Variants in PPARGC1A observed in about 807,000 individuals in gnomAD.
PPARGC1A encodes the protein PPARG coactivator 1 alpha, also known as peroxisome proliferator-activated receptor gamma coactivator 1-alpha.
Under a neutral mutation model 88.7 loss-of-function variants are expected in PPARGC1A, and 25 were observed. That is an observed-to-expected ratio of 0.28 (90% confidence interval 0.21 to 0.39). The LOEUF (loss-of-function observed/expected upper bound fraction) is 0.39. Ranked by LOEUF, PPARGC1A falls within the 10% of genes least tolerant of loss-of-function variation. The probability of loss-of-function intolerance (pLI) is 1.00; values close to 1 mark genes in which losing one functional copy is unlikely to be tolerated. For missense variants in PPARGC1A, 880 were observed against 968.7 expected (o/e 0.91, Z 1.22); for synonymous variants, 363 against 355.6 (o/e 1.02, Z -0.24).
the PPARGC1A span, among the ~76,000 whole-genome samples, chr4:24,402,167 T>A: frequency 8.3e-4 from 127 of 152,266 alleles, 1 homozygote; most frequent in Non-Finnish European, 1.6e-3. Flanking sequence ...GACTCCATCC[T>A]ACCCCACTCC....
At chr4:24,425,871 A>G in the PPARGC1A span, among the ~76,000 whole-genome samples, 1 of 152,186 alleles carries the variant, frequency 6.6e-6, no homozygotes, top group South Asian at 2.1e-4. Flanking sequence ...AATTATTTGA[A>G]TCTCCACAGG....
At chr4:24,431,357 G>A in the PPARGC1A span, among the ~76,000 whole-genome samples, 2 of 152,112 alleles carry the variant, frequency 1.3e-5, no homozygotes, top group Non-Finnish European at 2.9e-5. Flanking sequence ...TTTGTACTTG[G>A]TAAATATGAG....
chr4:23,829,443 T>TA lies in PPARGC1A; in HGVS notation c.552+19dup, dbSNP rs754568302. ...ATCCTTTGGTACATCCCCCCTGTAT[T>TA]AAAAAATTTACATTTGTACCTTAAC... On this transcript the variant is annotated intron_variant, in intron 4 of 12. Transcript: ENST00000264867. 16 of 1,611,314 alleles carry TA rather than the reference T, an allele frequency of 9.9e-6. No homozygotes were observed. In the South Asian group the frequency reaches 1.8e-4, roughly 18 times the overall value.
the PPARGC1A span, among the ~76,000 whole-genome samples, chr4:24,067,071 T>C: frequency 6.6e-6 from 1 of 152,124 alleles, no homozygotes; most frequent in Non-Finnish European, 1.5e-5. Flanking sequence ...ATCTATACGT[T>C]CATTAGGCAG....
chr4:24,082,459 G>T, the PPARGC1A span, among the ~76,000 whole-genome samples: 2 of 152,072 alleles, frequency 1.3e-5, no homozygotes, highest in Non-Finnish European at 2.9e-5. Flanking sequence ...CTGTACAGTG[G>T]CTCTGTGTAC....
chr4:23,908,716 TA>T (rs1560550174), upstream of PPARGC1A, among the ~76,000 whole-genome samples: 1 of 152,152 alleles, frequency 6.6e-6, no homozygotes, highest in Non-Finnish European at 1.5e-5. Context: ...AAGTTGATCC[TA>T]AAAAATTAAA....
chr4:24,072,721 G>A, the PPARGC1A span, among the ~76,000 whole-genome samples: 4 of 152,096 alleles, frequency 2.6e-5, no homozygotes, highest in African/African-American at 4.8e-5. Context: ...TTTTGTTAAG[G>A]CAAACATTTC....
the PPARGC1A span, among the ~76,000 whole-genome samples, chr4:24,471,060 C>G: frequency 6.6e-6 from 1 of 151,428 alleles, no homozygotes; most frequent in African/African-American, 2.4e-5. The surrounding 1 kb of genome is among the most constrained non-coding windows in gnomAD (Gnocchi z 5.4). Context: ...CGGGCAGCCC[C>G]GCAAGCGGCC....
At chr4:23,924,903 T>C in the PPARGC1A span, among the ~76,000 whole-genome samples, 1 of 152,172 alleles carries the variant, frequency 6.6e-6, no homozygotes, top group Non-Finnish European at 1.5e-5. Context: ...ACCCCCACTT[T>C]CCTTTCTTTT....
At chr4:24,038,854 T>C in the PPARGC1A span, among the ~76,000 whole-genome samples, 17,567 of 152,204 alleles carry the variant, frequency 0.12, 1,158 homozygotes, top group South Asian at 0.19. Context: ...GCAAGTGATA[T>C]ATGGCAGAAG....
At chr4:24,195,678 T>G in the PPARGC1A span, among the ~76,000 whole-genome samples, 3 of 152,204 alleles carry the variant, frequency 2.0e-5, no homozygotes, top group African/African-American at 7.2e-5. Context: ...CATGATATTG[T>G]CAAGCTTTTT....
chr4:24,252,152 TAC>T, the PPARGC1A span, among the ~76,000 whole-genome samples: 1 of 152,224 alleles, frequency 6.6e-6, no homozygotes, highest in African/African-American at 2.4e-5. Flanking sequence ...ATATTTTCTT[TAC>T]ACCTCTGGTC....
chr4:24,447,329 A>G, the PPARGC1A span, among the ~76,000 whole-genome samples: 2 of 152,208 alleles, frequency 1.3e-5, no homozygotes, highest in East Asian at 3.9e-4. Context: ...GCCCTCTGGA[A>G]AAATGGAACT....
the PPARGC1A span, among the ~76,000 whole-genome samples, chr4:24,322,288 T>C: frequency 2.0e-5 from 3 of 152,368 alleles, no homozygotes; most frequent in South Asian, 2.1e-4. Flanking sequence ...TTGAAGAGTA[T>C]TTTTTAAAAA....
chr4:24,338,362 C>T, the PPARGC1A span, among the ~76,000 whole-genome samples: 1 of 152,126 alleles, frequency 6.6e-6, no homozygotes, highest in Non-Finnish European at 1.5e-5. Context: ...GTTTTTTAAT[C>T]ATTTCCTCAG....
chr4:23,807,843 T>C (rs1268706886), intron 10 of PPARGC1A, among the ~76,000 whole-genome samples: 2 of 152,182 alleles, frequency 1.3e-5, no homozygotes, highest in Non-Finnish European at 2.9e-5. Flanking sequence ...CTATGTTGTA[T>C]AGCAGATCTC....
the PPARGC1A span, among the ~76,000 whole-genome samples, chr4:24,057,542 A>G: frequency 1.3e-5 from 2 of 152,090 alleles, no homozygotes; most frequent in Admixed American, 6.5e-5. Flanking sequence ...AAAAGTATTT[A>G]GCATAGTGCT....
the PPARGC1A span, among the ~76,000 whole-genome samples, chr4:23,927,176 T>TA: frequency 6.6e-6 from 1 of 152,218 alleles, no homozygotes; most frequent in African/African-American, 2.4e-5. Context: ...TATTTTATAA[T>TA]AAAATGTAAT....
chr4:24,166,581 T>C, the PPARGC1A span, among the ~76,000 whole-genome samples: 1 of 152,344 alleles, frequency 6.6e-6, no homozygotes, highest in African/African-American at 2.4e-5. Flanking sequence ...CAATGCTCAT[T>C]TACCATTTCA....
Sources: gnomAD v4.1 joint callset for allele counts (sites outside exome capture counted in the v4.1 genomes callset) on GRCh38, gnomAD v4.1.1 for gene constraint, Gnocchi (gnomAD v3.1) non-coding constraint, MANE v1.5 for transcripts, NCBI Gene and HGNC (gene_info 2026-07-23, HGNC 2026-07-21) for gene names.